Variants in DLG2 observed in about 807,000 individuals in gnomAD.
The protein encoded by DLG2 is discs large MAGUK scaffold protein 2.
DLG2 carries 45 observed loss-of-function variants against 132.5 expected under a neutral mutation model. That is an observed-to-expected ratio of 0.34 (90% CI 0.27 to 0.44). DLG2 has a LOEUF of 0.44. Ranked by LOEUF, DLG2 falls within the 20% of genes least tolerant of loss-of-function variation. The pLI, the probability that DLG2 is intolerant of heterozygous loss-of-function variation, is 1.00. For synonymous variants in DLG2, 424 were observed against 419.6 expected, an observed-to-expected ratio of 1.01 and a Z score of -0.13; for missense variants, 1,045 against 1,196.9, an observed-to-expected ratio of 0.87 and a Z score of 1.87.
chr11:85,331,938 T>C (rs994321835), intron 3 of DLG2, among the ~76,000 whole-genome samples: 2 of 152,220 alleles, frequency 1.3e-5, no homozygotes, highest in African/African-American at 4.8e-5. Flanking sequence ...CAAGTACATA[T>C]GTCTTTTGGG....
At chr11:84,144,333 C>A (rs1287825715) in intron 9 of DLG2, among the ~76,000 whole-genome samples, 1 of 152,058 alleles carries the variant, frequency 6.6e-6, no homozygotes, top group Non-Finnish European at 1.5e-5. Context: ...AAGATGGAAA[C>A]CCCTACAGTC....
chr11:84,071,876 T>G (rs956587083), intron 10 of DLG2, among the ~76,000 whole-genome samples: 12 of 152,172 alleles, frequency 7.9e-5, no homozygotes, highest in Non-Finnish European at 1.6e-4. Context: ...TTCTGCAGCA[T>G]AGAGGAAAAG....
intron 3 of DLG2, among the ~76,000 whole-genome samples, chr11:85,485,463 A>G (rs2093408921): frequency 6.6e-6 from 1 of 152,156 alleles, no homozygotes; most frequent in Admixed American, 6.5e-5. Flanking sequence ...GCTAGTACAC[A>G]CCTCCTCCAT....
At chr11:84,715,160 G>C (rs1186504829) in intron 6 of DLG2, among the ~76,000 whole-genome samples, 3 of 152,080 alleles carry the variant, frequency 2.0e-5, no homozygotes, top group Non-Finnish European at 4.4e-5. Context: ...GAAGATACCT[G>C]ATGTGTCCTA....
intron 6 of DLG2, among the ~76,000 whole-genome samples, chr11:84,673,793 G>C (rs2099708520): frequency 6.6e-6 from 1 of 151,908 alleles, no homozygotes; most frequent in Non-Finnish European, 1.5e-5. Context: ...TATTTAAAAG[G>C]ATAACTTATA....
intron 7 of DLG2, among the ~76,000 whole-genome samples, chr11:84,458,668 T>C (rs533842758): frequency 2.0e-5 from 3 of 150,866 alleles, no homozygotes; most frequent in East Asian, 1.9e-4. Flanking sequence ...ATTTTAAACA[T>C]AGTATTTTGA....
chr11:85,323,479 T>G (rs2081223540), intron 3 of DLG2, among the ~76,000 whole-genome samples: 1 of 152,230 alleles, frequency 6.6e-6, no homozygotes, highest in African/African-American at 2.4e-5. Context: ...CCAACACAAA[T>G]ATTTGTCATT....
At chr11:85,047,747 C>T (rs978748358) in intron 6 of DLG2, among the ~76,000 whole-genome samples, 1 of 151,546 alleles carries the variant, frequency 6.6e-6, no homozygotes, top group Non-Finnish European at 1.5e-5. Context: ...TTTTAAAATT[C>T]AAGTAGGAAA....
chr11:84,920,700 GAT>G (rs749867339), intron 6 of DLG2, among the ~76,000 whole-genome samples: 15,672 of 130,798 alleles, frequency 0.12, 909 homozygotes, highest in African/African-American at 0.16. Context: ...GTCATATTCT[GAT>G]GTTTGTAAAT....
Position 84,227,255 on chromosome 11 carries a change from CATATT to C in DLG2, c.573+23978_573+23982del, listed in dbSNP as rs1338037114. On this transcript the variant is annotated intron_variant, in intron 8 of 27. Transcript: ENST00000376104. The stretch of plus-strand genomic sequence containing the variant: ...TGACAGGTGAAATGAAAGAAAAAGA[CATATT>C]AGACGTAGACAAAAATTAGTGCAAA... 2.0e-5 allele frequency among the ~76,000 whole-genome samples: 3 copies of C among 151,986 alleles called. No individual in the cohort carries two copies. The East Asian group carries it at 5.8e-4, about 29-fold the overall frequency.
rs1012156996 is a variant in DLG2, at chr11:84,070,612, T to C, written c.750-11128A>G. On this transcript the variant is annotated intron_variant, in intron 10 of 27. Coordinates refer to ENST00000376104, the MANE Select transcript of DLG2 (RefSeq NM_001142699.3). The stretch of plus-strand genomic sequence containing the variant: ...ATATGGAATTCATAATTGTACATTT[T>C]CTCAGTCAAGTTCAATTTGGCATTA... Among the ~76,000 whole-genome samples the C allele has an allele frequency of 2.1e-4, 32 of 152,244 alleles. 1 individual carries two copies. Among genetic ancestry groups the C allele is most frequent in the African/African-American group, 7.5e-4 (31 of 41,472 alleles).
chr11:83,510,478 A>G (rs1336291840), intron 21 of DLG2, among the ~76,000 whole-genome samples: 1 of 152,130 alleles, frequency 6.6e-6, no homozygotes, highest in Non-Finnish European at 1.5e-5. Context: ...TCCTACTTCA[A>G]TGAAAAGAGG....
chr11:83,689,769 T>C (rs2080514826), intron 18 of DLG2, among the ~76,000 whole-genome samples: 1 of 151,716 alleles, frequency 6.6e-6, no homozygotes, highest in South Asian at 2.1e-4. Context: ...TGGTTTCCCA[T>C]TGGGATATAT....
chr11:85,468,043 G>C (rs891040976), intron 3 of DLG2, among the ~76,000 whole-genome samples: 2 of 152,150 alleles, frequency 1.3e-5, no homozygotes, highest in African/African-American at 4.8e-5. Context: ...TCTTGGGAGG[G>C]TGTATGTGTT....
intron 6 of DLG2, among the ~76,000 whole-genome samples, chr11:85,081,637 G>T (rs1161202063): frequency 6.6e-6 from 1 of 152,132 alleles, no homozygotes; most frequent in East Asian, 1.9e-4. Context: ...GGTGGTGGCT[G>T]GTCTTGCAGT....
chr11:85,409,836 A>C (rs956414193), intron 3 of DLG2, among the ~76,000 whole-genome samples: 1 of 151,914 alleles, frequency 6.6e-6, no homozygotes, highest in African/African-American at 2.4e-5. Flanking sequence ...AACAGTGTCT[A>C]CACTACATAG....
intron 4 of DLG2, among the ~76,000 whole-genome samples, chr11:85,164,241 G>GCTA (rs1566955932): frequency 6.6e-6 from 1 of 151,974 alleles, no homozygotes; most frequent in African/African-American, 2.4e-5. Context: ...GTTTTTCAAT[G>GCTA]CTACTTCAGT....
At chr11:83,643,100 T>G (rs1314534567) in intron 18 of DLG2, among the ~76,000 whole-genome samples, 1 of 152,172 alleles carries the variant, frequency 6.6e-6, no homozygotes, top group Non-Finnish European at 1.5e-5. Context: ...GATAAAAATG[T>G]TTGGTAAACT....
chr11:85,435,095 G>T (rs1235300879), intron 3 of DLG2, among the ~76,000 whole-genome samples: 1 of 152,124 alleles, frequency 6.6e-6, no homozygotes, highest in South Asian at 2.1e-4. Flanking sequence ...TGCAGGAAAG[G>T]TCTTTAATAA....
Sources: allele counts gnomAD v4.1 joint callset (sites outside exome capture counted in the v4.1 genomes callset), GRCh38; gene constraint gnomAD v4.1.1; transcripts MANE v1.5; gene names NCBI Gene and HGNC (gene_info 2026-07-23, HGNC 2026-07-21).